DCUN1D5: variants seen among roughly 807,000 people sequenced by gnomAD.
DCUN1D5 encodes DCN1-like protein 5.
A neutral mutation model predicts 38.3 loss-of-function variants in DCUN1D5; 10 were observed. That is an observed-to-expected ratio of 0.26 (90% CI 0.16 to 0.44). The LOEUF (loss-of-function observed/expected upper bound fraction) is 0.44, where lower values mean the gene tolerates loss of function less well. Ranked by LOEUF, DCUN1D5 falls within the 20% of genes least tolerant of loss-of-function variation. The pLI is 1.00. For missense variants in DCUN1D5, 148 were observed against 275.3 expected (o/e 0.54, Z 3.27); for synonymous variants, 93 against 90.9 (o/e 1.02, Z -0.13).
chr11:103,067,461 T>G (rs963144467), intron 4 of DCUN1D5, among the ~76,000 whole-genome samples: 2 of 152,178 alleles, frequency 1.3e-5, no homozygotes, highest in Admixed American at 1.3e-4. Flanking sequence ...AAAATATTAT[T>G]CATCAAGACC....
In DCUN1D5 at chr11:103,062,295, T is replaced by C; in HGVS notation, c.*64A>G. The C allele has an allele frequency of 6.7e-7, 1 of 1,487,322 alleles. No individual in the cohort carries two copies. The highest frequency in any genetic ancestry group is 1.2e-5 in the South Asian group (1 of 85,924). 92.1% of individuals were successfully genotyped at this position (1,487,322 alleles called of 1,614,324 possible). A position where few individuals can be genotyped will look rare whatever the true frequency, so the allele number is the denominator to read the frequency against. On this transcript the variant is annotated 3_prime_UTR_variant, in exon 8 of 8. Transcript: ENST00000260247. The surrounding 1 kb of genome is among the most constrained non-coding windows in gnomAD (Gnocchi z 4.6). ...TGCACCCGTTGGATTTTTTTCCCCCTCATCACATTAGCTTGTATACACGTG... is the reference window on the plus strand; with the variant it reads ...TGCACCCGTTGGATTTTTTTCCCCCCCATCACATTAGCTTGTATACACGTG...
At chr11:103,072,187 T>C (rs1862288284) in intron 4 of DCUN1D5, among the ~76,000 whole-genome samples, 1 of 151,994 alleles carries the variant, frequency 6.6e-6, no homozygotes, top group Non-Finnish European at 1.5e-5. Flanking sequence ...CTTATCGACA[T>C]AGTGGTAGAA....
rs372908637 is a variant in DCUN1D5, at chr11:103,051,796, G to T, written c.*10563C>A. ...TAGTCACTAAGAAGCAAAGGACTCT[G>T]AACACAGATCTCTGAACTCCAAACC... On this transcript the variant is annotated 3_prime_UTR_variant, in exon 8 of 8. Transcript: ENST00000260247. 24 of 152,278 alleles carry T rather than the reference G, an allele frequency of 1.6e-4. No individual in the cohort carries two copies. Among genetic ancestry groups the T allele is most frequent in the African/African-American group, 5.8e-4 (24 of 41,540 alleles). 9.4% of individuals were successfully genotyped at this position (152,278 alleles called of 1,614,324 possible).
chr11:103,084,700 T>G (rs867311677), intron 2 of DCUN1D5, among the ~76,000 whole-genome samples: 53 of 152,192 alleles, frequency 3.5e-4, no homozygotes, highest in Middle Eastern at 6.8e-3. Flanking sequence ...GATTTGAAAA[T>G]TTAAGAGGCC....
intron 4 of DCUN1D5, among the ~76,000 whole-genome samples, chr11:103,080,160 GTT>G (rs1862520868): frequency 6.6e-6 from 1 of 152,032 alleles, no homozygotes; most frequent in Admixed American, 6.5e-5. Context: ...GACCAACATA[GTT>G]ATAAAGAGTT....
At position 103,072,839 on chromosome 11, in the gene DCUN1D5, A is replaced by G. The variant is rs1159935817; in HGVS notation, c.342-6272T>C. Among the ~76,000 whole-genome samples the G allele has an allele frequency of 3.9e-5, 6 of 152,264 alleles. 1 individual carries two copies. The highest frequency in any genetic ancestry group is 6.8e-3 in the Middle Eastern group (2 of 294). On this transcript the variant is annotated intron_variant, in intron 4 of 7. Transcript: ENST00000260247. ...ACGAGCTAACGGGTGCAGCACCAACATGGCACATGTATACATATGTAACAA... is the reference window on the plus strand; with the variant it reads ...ACGAGCTAACGGGTGCAGCACCAACGTGGCACATGTATACATATGTAACAA...
chr11:103,085,168 A>C (rs1862670045), intron 2 of DCUN1D5, among the ~76,000 whole-genome samples: 2 of 151,552 alleles, frequency 1.3e-5, no homozygotes, highest in Admixed American at 1.3e-4. Flanking sequence ...AGCTAGGAGC[A>C]GTGGCTCACG....
At chr11:103,088,372 C>A (rs1441655433) in intron 2 of DCUN1D5, among the ~76,000 whole-genome samples, 2 of 151,790 alleles carry the variant, frequency 1.3e-5, no homozygotes, top group Non-Finnish European at 2.9e-5. Flanking sequence ...ATCAATAACT[C>A]CAAAAAAACA....
rs530249931 is a variant in DCUN1D5 at position 103,088,984 on chromosome 11, C to T, written c.178+243G>A. Reference sequence around the variant, plus strand: ...GTAAATAAATGAATCTTTGTTTACACGTTTTATTAATAGTAAATGAGTTCT... The same window carrying T: ...GTAAATAAATGAATCTTTGTTTACATGTTTTATTAATAGTAAATGAGTTCT... On this transcript the variant is annotated intron_variant, in intron 2 of 7. Transcript: ENST00000260247. 3.9e-4 allele frequency among the ~76,000 whole-genome samples: 60 copies of T among 151,942 alleles called. No individual in the cohort carries two copies. Among genetic ancestry groups the T allele is most frequent in the Admixed American group, 3.0e-3 (46 of 15,276 alleles).
rs1204408091 is a variant in DCUN1D5 at position 103,073,098 on chromosome 11, A to C, written c.342-6531T>G. Among the ~76,000 whole-genome samples, 8 of 152,192 alleles carry C rather than the reference A, an allele frequency of 5.3e-5. No homozygotes were observed. Among genetic ancestry groups the C allele is most frequent in the African/African-American group, 1.9e-4 (8 of 41,440 alleles). On this transcript the variant is annotated intron_variant, in intron 4 of 7. Transcript: ENST00000260247. The surrounding 1 kb of genome is among the most constrained non-coding windows in gnomAD (Gnocchi z 4.2). ...ATTGTATTTCTATATATTAGTAATG[A>C]ACATGTGGACACTAAAATGTAAAAT...
intron 4 of DCUN1D5, among the ~76,000 whole-genome samples, chr11:103,074,186 A>C (rs1439357992): frequency 6.6e-6 from 1 of 152,216 alleles, no homozygotes; most frequent in Non-Finnish European, 1.5e-5. Flanking sequence ...GAATGAAAGA[A>C]GTTATAGAAT....
rs915930733 is a variant in DCUN1D5, at chr11:103,078,374, G to A, written c.341+4374C>T. On this transcript the variant is annotated intron_variant, in intron 4 of 7. Coordinates refer to ENST00000260247, the MANE Select transcript of DCUN1D5 (RefSeq NM_032299.4). This position sits in a 1 kb window ranked among gnomAD's most constrained non-coding sequence, Gnocchi z 4.6. ...TCCTTGAAACCTCGTATCTATAGACGAAGGAAGAGAAATTCCATAACCTCC... is the reference window on the plus strand; with the variant it reads ...TCCTTGAAACCTCGTATCTATAGACAAAGGAAGAGAAATTCCATAACCTCC... Among the ~76,000 whole-genome samples the A allele has an allele frequency of 2.0e-5, 3 of 152,196 alleles. No individual in the cohort carries two copies. The highest frequency in any genetic ancestry group is 2.1e-4 in the South Asian group (1 of 4,826).
Position 103,066,372 on chromosome 11 carries a change from T to A in DCUN1D5, c.452A>T (p.Asp151Val). 6.2e-7 allele frequency: 1 copy of A among 1,606,926 alleles called. No individual in the cohort carries two copies. Among genetic ancestry groups the A allele is most frequent in the Non-Finnish European group, 8.5e-7 (1 of 1,177,280 alleles). ...IYRYAFDFAR[D>V]KDQRSLDIDT... ...AATATCAAGGCTTCTCTGATCTTTA[T>A]CCTAAAATATAAGTGAAAAAGTTTT... The change falls in exon 6 of 8, where the codon GAT becomes GTT. Residue 151 changes from aspartate (D) to valine (V), a missense_variant and splice_region_variant. Transcript: ENST00000260247. The surrounding 1 kb of genome is among the most constrained non-coding windows in gnomAD (Gnocchi z 4.7).
intron 4 of DCUN1D5, among the ~76,000 whole-genome samples, chr11:103,075,637 C>A (rs945358056): frequency 6.6e-6 from 1 of 152,186 alleles, no homozygotes; most frequent in African/African-American, 2.4e-5. Context: ...GCCTCAAACC[C>A]CAAAGTGCTG....
intron 4 of DCUN1D5, among the ~76,000 whole-genome samples, chr11:103,067,314 G>A (rs1295856989): frequency 2.0e-5 from 3 of 152,094 alleles, no homozygotes; most frequent in African/African-American, 7.2e-5. Flanking sequence ...TCACAATTTG[G>A]CACAAATCTC....
rs1472867051 is a variant in DCUN1D5, at chr11:103,083,571, C to T, written c.179-245G>A. Among the ~76,000 whole-genome samples, 1 of 151,712 alleles carries T rather than the reference C, an allele frequency of 6.6e-6. No homozygotes were observed. The highest frequency in any genetic ancestry group is 2.4e-5 in the African/African-American group (1 of 41,316). ...ATTTAAAAAGCAGCAAAGAAATACT[C>T]CATTAGTATCAATCACAAGTTAGTA... On this transcript the variant is annotated intron_variant, in intron 2 of 7. Transcript: ENST00000260247. This position sits in a 1 kb window ranked among gnomAD's most constrained non-coding sequence, Gnocchi z 4.4.
rs143623887 is a variant in DCUN1D5 at position 103,071,834 on chromosome 11, A to C, written c.342-5267T>G. Among the ~76,000 whole-genome samples the C allele has an allele frequency of 1.8e-3, 275 of 151,334 alleles. 1 individual carries two copies. Among genetic ancestry groups the C allele is most frequent in the African/African-American group, 6.2e-3 (257 of 41,506 alleles). On this transcript the variant is annotated intron_variant, in intron 4 of 7. Coordinates refer to ENST00000260247, the MANE Select transcript of DCUN1D5 (RefSeq NM_032299.4). This position sits in a 1 kb window ranked among gnomAD's most constrained non-coding sequence, Gnocchi z 4.1. Reference sequence around the variant, plus strand: ...ACAGATGGTTTCACTACAGAATTATACCAAACCTTTAAAGACTTATTCCAC... The same window carrying C: ...ACAGATGGTTTCACTACAGAATTATCCCAAACCTTTAAAGACTTATTCCAC...
In DCUN1D5 at chr11:103,078,158, CTGT is replaced by C. The variant is rs1210894414; in HGVS notation, c.341+4587_341+4589del. On this transcript the variant is annotated intron_variant, in intron 4 of 7. Coordinates refer to ENST00000260247, the MANE Select transcript of DCUN1D5 (RefSeq NM_032299.4). The surrounding 1 kb of genome is among the most constrained non-coding windows in gnomAD (Gnocchi z 4.6). ...CCGGCAGGCAGCTTAATTACTATCA[CTGT>C]TGTCAGATGCTCTTGTCTTGTCCTT... 6.6e-6 allele frequency among the ~76,000 whole-genome samples: 1 copy of C among 152,184 alleles called. No individual in the cohort carries two copies. The highest frequency in any genetic ancestry group is 6.5e-5 in the Admixed American group (1 of 15,278).
chr11:103,058,865 C>T lies in DCUN1D5; in HGVS notation c.*3494G>A, dbSNP rs978951881. Among the ~76,000 whole-genome samples the T allele has an allele frequency of 6.7e-6, 1 of 149,504 alleles. No homozygotes were observed. The highest frequency in any genetic ancestry group is 1.5e-5 in the Non-Finnish European group (1 of 67,744). On this transcript the variant is annotated 3_prime_UTR_variant, in exon 8 of 8. Coordinates refer to ENST00000260247, the MANE Select transcript of DCUN1D5 (RefSeq NM_032299.4). ...GGATTCCTCCTTAGAGGTAAGAATT[C>T]TTCTTTAGGAGTAAGACTTTTGGGT...
Sources: allele counts gnomAD v4.1 joint callset (sites outside exome capture counted in the v4.1 genomes callset), GRCh38; gene constraint gnomAD v4.1.1; non-coding constraint Gnocchi (gnomAD v3.1); transcripts MANE v1.5; gene names NCBI Gene and HGNC (gene_info 2026-07-23, HGNC 2026-07-21).